The following SCP2 variants were observed in gnomAD, a reference collection of about 807,000 sequenced individuals.
SCP2 encodes sterol carrier protein 2.
SCP2 carries 48 observed loss-of-function variants against 71.4 expected under a neutral mutation model. The observed-to-expected ratio is 0.67, with a 90% confidence interval of 0.53 to 0.86. SCP2 has a LOEUF of 0.86. SCP2 is among the 40% of genes least tolerant of loss of function. The pLI, the probability that SCP2 is intolerant of heterozygous loss-of-function variation, is 0.00. For missense variants in SCP2, 560 were observed against 655.6 expected (o/e 0.85, Z 1.59); for synonymous variants, 220 against 218.1 (o/e 1.01, Z -0.08).
chr1:52,970,525 C>A (rs954856748), intron 6 of SCP2, among the ~76,000 whole-genome samples: 1 of 152,076 alleles, frequency 6.6e-6, no homozygotes, highest in African/African-American at 2.4e-5. Flanking sequence ...AGGGACCTTG[C>A]CCTTTCATTT....
chr1:52,948,206 T>C, intron 3 of SCP2, 126 bp downstream of exon 3: 1 of 717,546 alleles, frequency 1.4e-6, no homozygotes, highest in Non-Finnish European at 2.5e-6. Flanking sequence ...TATATTTGTA[T>C]TGAAGAAAAA....
At chr1:53,034,438 C>T (rs775862679) in intron 13 of SCP2, among the ~76,000 whole-genome samples, 4 of 151,860 alleles carry the variant, frequency 2.6e-5, no homozygotes, top group Admixed American at 1.3e-4. Flanking sequence ...TTGTGGTTGC[C>T]GGGGACTGAG....
intron 6 of SCP2, among the ~76,000 whole-genome samples, chr1:52,974,424 TG>T (rs1371161322): frequency 6.6e-6 from 1 of 152,182 alleles, no homozygotes; most frequent in East Asian, 1.9e-4. Context: ...TCTAGCGTAC[TG>T]GGGTGTTTGA....
rs35871937 is a variant in SCP2 at position 52,950,108 on chromosome 1, T to TTTTATTTATTTATTTA, written c.200-631_200-616dup. Among the ~76,000 whole-genome samples the TTTTATTTATTTATTTA allele has an allele frequency of 5.2e-4, 78 of 151,310 alleles. 1 individual carries two copies. Among genetic ancestry groups the TTTTATTTATTTATTTA allele is most frequent in the African/African-American group, 1.8e-3 (73 of 40,966 alleles). ...TTAATCACTGGCATAGGTTTAAAGATTTTATTTATTTATTTATTTATTTAT... is the reference window on the plus strand; with the variant it reads ...TTAATCACTGGCATAGGTTTAAAGATTTTATTTATTTATTTATTTATTTATTTATTTATTTATTTAT... On this transcript the variant is annotated intron_variant, in intron 3 of 15. Transcript: ENST00000371514.
intron 15 of SCP2, chr1:53,048,604 C>CA (rs1330208903): frequency 1.3e-5 from 2 of 156,812 alleles, no homozygotes; most frequent in African/African-American, 4.8e-5. Flanking sequence ...GTGAGTGTCT[C>CA]AAAGCATCAA....
chr1:52,975,941 C>T (rs768791417), intron 7 of SCP2, among the ~76,000 whole-genome samples: 1 of 152,130 alleles, frequency 6.6e-6, no homozygotes, highest in African/African-American at 2.4e-5. Context: ...ACCAACTGAC[C>T]ACAAATCCAG....
chr1:53,003,440 G>A (rs779306831), intron 11 of SCP2, among the ~76,000 whole-genome samples: 24 of 152,044 alleles, frequency 1.6e-4, no homozygotes, highest in Non-Finnish European at 2.5e-4. Context: ...GGCTGGTCTC[G>A]AACTCCTGGG....
intron 14 of SCP2, among the ~76,000 whole-genome samples, chr1:53,044,935 T>A (rs527618103): frequency 6.6e-6 from 1 of 152,330 alleles, no homozygotes; most frequent in Admixed American, 6.5e-5. Flanking sequence ...TACACTTGAT[T>A]TTAAAAAATT....
At chr1:53,014,029 G>C (rs1052260380) in intron 11 of SCP2, among the ~76,000 whole-genome samples, 9 of 150,476 alleles carry the variant, frequency 6.0e-5, no homozygotes, top group Non-Finnish European at 1.3e-4. Flanking sequence ...CCTAGTAGCT[G>C]GGACTAGAGG....
intron 10 of SCP2, among the ~76,000 whole-genome samples, chr1:52,986,860 C>T (rs114809366): frequency 0.012 from 1,838 of 151,758 alleles, 21 homozygotes; most frequent in Non-Finnish European, 0.021. Context: ...TATGCACACC[C>T]TCCTGTATAT....
At position 52,974,785 on chromosome 1, in the gene SCP2, C is replaced by T. The variant is rs1315445992; in HGVS notation, c.540C>T (p.His180=). Residue 180 remains histidine, a synonymous_variant, in exon 7 of 16, where the codon CAC becomes CAT. Transcript: ENST00000371514. ...HMEKYGTKIE[H]FAKIGWKNHK... ...TCTTTACAGGAACAAAAATTGAACA[C>T]TTTGCAAAAATTGGATGGAAAAATC... is the stretch of plus-strand genomic sequence containing the variant. 4.5e-6 allele frequency: 7 copies of T among 1,547,454 alleles called. No homozygotes were observed. The highest frequency in any genetic ancestry group is 5.4e-6 in the Non-Finnish European group (6 of 1,119,422).
rs115638068 is a variant in SCP2, at chr1:52,962,343, G to T, written c.523+714G>T. On this transcript the variant is annotated intron_variant, in intron 6 of 15. Coordinates refer to ENST00000371514, the MANE Select transcript of SCP2 (RefSeq NM_002979.5). Reference sequence around the variant, plus strand: ...ATTTCTCACCATTTCTGCTACTTTTGCTGTAGTGGCATAATTTCGCACCTG... The same window carrying T: ...ATTTCTCACCATTTCTGCTACTTTTTCTGTAGTGGCATAATTTCGCACCTG... 5.1e-3 allele frequency among the ~76,000 whole-genome samples: 779 copies of T among 152,150 alleles called. 7 individuals are homozygous for T. The highest frequency in any genetic ancestry group is 0.018 in the African/African-American group (759 of 41,510).
intron 11 of SCP2, among the ~76,000 whole-genome samples, chr1:52,999,854 T>C (rs1478800160): frequency 6.8e-6 from 1 of 146,788 alleles, no homozygotes; most frequent in Non-Finnish European, 1.5e-5. Flanking sequence ...TCTTACTCTG[T>C]TGCCCAGGCT....
intron 4 of SCP2, among the ~76,000 whole-genome samples, chr1:52,954,016 C>T (rs1468116498): frequency 6.6e-6 from 1 of 150,488 alleles, no homozygotes; most frequent in Non-Finnish European, 1.5e-5. Context: ...CAAAACCCAG[C>T]AAAACCTTTG....
chr1:53,011,062 TTA>T (rs1208950685), intron 11 of SCP2, among the ~76,000 whole-genome samples: 3 of 152,234 alleles, frequency 2.0e-5, no homozygotes, highest in African/African-American at 7.2e-5. Flanking sequence ...AACTGCTCTA[TTA>T]TAAATATACA....
chr1:53,027,421 G>A (rs544611519), intron 12 of SCP2, among the ~76,000 whole-genome samples: 1 of 152,278 alleles, frequency 6.6e-6, no homozygotes, highest in Admixed American at 6.5e-5. Context: ...CATGAGGGTA[G>A]CTTCTTTGGT....
chr1:52,927,877 C>T (rs1357547959), intron 1 of SCP2, among the ~76,000 whole-genome samples: 2 of 152,184 alleles, frequency 1.3e-5, no homozygotes, highest in African/African-American at 4.8e-5. Context: ...AGAAACGCTC[C>T]TGATGCCCAG....
intron 12 of SCP2, among the ~76,000 whole-genome samples, chr1:53,025,386 G>A (rs1360036004): frequency 6.6e-6 from 1 of 152,132 alleles, no homozygotes; most frequent in Non-Finnish European, 1.5e-5. Flanking sequence ...CTATGCTGAT[G>A]ATTTCTCCAT....
At chr1:53,020,698 T>C (rs1022306696) in intron 12 of SCP2, among the ~76,000 whole-genome samples, 1 of 152,162 alleles carries the variant, frequency 6.6e-6, no homozygotes, top group Non-Finnish European at 1.5e-5. Flanking sequence ...ATCCAACTCA[T>C]TGAAGCCTAC....
Sources: allele counts gnomAD v4.1 joint callset (sites outside exome capture counted in the v4.1 genomes callset), GRCh38; gene constraint gnomAD v4.1.1; transcripts MANE v1.5; gene names NCBI Gene and HGNC (gene_info 2026-07-23, HGNC 2026-07-21).